The following MINDY1 variants were observed in gnomAD, a reference collection of about 807,000 sequenced individuals.
MINDY1 encodes the protein MINDY lysine 48 deubiquitinase 1, also known as ubiquitin carboxyl-terminal hydrolase MINDY-1.
Under a neutral mutation model 53.6 loss-of-function variants are expected in MINDY1, and 50 were observed. That is an observed-to-expected ratio of 0.93 (90% confidence interval 0.74 to 1.18). The LOEUF (loss-of-function observed/expected upper bound fraction) is 1.18. Among genes scored for constraint, MINDY1 ranks in the 50% most tolerant of loss-of-function variants. MINDY1 has a pLI of 0.00. For missense variants in MINDY1, 484 were observed against 578.6 expected, an observed-to-expected ratio of 0.84 and a Z score of 1.68; for synonymous variants, 231 against 234.7, an observed-to-expected ratio of 0.98 and a Z score of 0.14.
chr1:150,998,337 A>G, intron 7 of MINDY1, 64 bp from the exon 8 acceptor site: 1 of 1,463,900 alleles, frequency 6.8e-7, no homozygotes, highest in South Asian at 1.3e-5. Context: ...CACTGCCAGA[A>G]ATCTCGGTAT....
chr1:150,997,139 G>T lies in MINDY1; in HGVS notation c.*148C>A. Reference sequence around the variant, plus strand: ...CACGTGAGGTCAAGGACATTACCAAGTCTGACCTTGGCATTTGTTGCCTGC... The same window carrying T: ...CACGTGAGGTCAAGGACATTACCAATTCTGACCTTGGCATTTGTTGCCTGC... On this transcript the variant is annotated 3_prime_UTR_variant, in exon 10 of 10. Coordinates refer to ENST00000683666, the MANE Select transcript of MINDY1 (RefSeq NM_001376665.1). 1 of 789,910 alleles carries T rather than the reference G, an allele frequency of 1.3e-6. No individual in the cohort carries two copies. Among genetic ancestry groups the T allele is most frequent in the Non-Finnish European group, 2.1e-6 (1 of 482,512 alleles). The allele number at this position is 789,910 out of a possible 1,614,324, so 48.9% of individuals were successfully genotyped here.
chr1:150,997,891 C>G, intron 8 of MINDY1, 112 bp from the exon 9 acceptor site: 1 of 1,236,656 alleles, frequency 8.1e-7, no homozygotes, highest in South Asian at 1.5e-5. Context: ...TCTTTCTCCC[C>G]ACAGAGCAGC....
intron 4 of MINDY1, among the ~76,000 whole-genome samples, chr1:151,000,981 G>A (rs1672503608): frequency 6.6e-6 from 1 of 151,954 alleles, no homozygotes; most frequent in Non-Finnish European, 1.5e-5. Flanking sequence ...TTAGAGACAG[G>A]GGTATTATTA....
chr1:151,001,646 C>T, intron 3 of MINDY1, 79 bp downstream of exon 3: 1 of 1,543,402 alleles, frequency 6.5e-7, no homozygotes, highest in Non-Finnish European at 8.9e-7. Context: ...ATGGAGATCC[C>T]TGAATAGTCT....
upstream of MINDY1, chr1:151,008,371 G>A (rs1673451467): frequency 2.4e-6 from 3 of 1,260,960 alleles, no homozygotes; most frequent in Admixed American, 3.1e-5. Context: ...TGGCCTCGCC[G>A]GAAAGACGTC....
chr1:151,002,847 C>T lies in MINDY1; in HGVS notation c.-89-141G>A. 1 of 1,433,474 alleles carries T rather than the reference C, an allele frequency of 7.0e-7. No homozygotes were observed. The allele number at this position is 1,433,474 out of a possible 1,614,324, so 88.8% of individuals were successfully genotyped here. On this transcript the variant is annotated intron_variant, in intron 1 of 9. Transcript: ENST00000683666. The surrounding 1 kb of genome is among the most constrained non-coding windows in gnomAD (Gnocchi z 4.1). Reference sequence around the variant, plus strand: ...GGCAGTATATGTGTAAACAGAAGGGCCCCGTGCTGAGCTCTTTCCACCTCT... The same window carrying T: ...GGCAGTATATGTGTAAACAGAAGGGTCCCGTGCTGAGCTCTTTCCACCTCT...
chr1:151,000,059 C>A, intron 5 of MINDY1, 95 bp from the exon 6 acceptor site: 1 of 892,708 alleles, frequency 1.1e-6, no homozygotes, highest in Non-Finnish European at 1.7e-6. Flanking sequence ...GGACTACAAC[C>A]CTGTGATGAA....
rs1672076249 is a variant in MINDY1 at position 150,998,211 on chromosome 1, C to T, written c.1044G>A (p.Glu348=). 6.2e-7 allele frequency: 1 copy of T among 1,614,072 alleles called. No homozygotes were observed. Among genetic ancestry groups the T allele is most frequent in the African/African-American group, 1.3e-5 (1 of 74,924 alleles). ...TGTCTCCATCCACATTGTGCAGGCT[C>T]TCCCATACGACTTGCTCCTCCTGTA... is the stretch of plus-strand genomic sequence containing the variant. ...GFLQEEQVVW[E]SLHNVDGDSC... The change falls in exon 8 of 10, where the codon GAG becomes GAA. Residue 348 remains glutamate, a synonymous_variant. Coordinates refer to ENST00000683666, the MANE Select transcript of MINDY1 (RefSeq NM_001376665.1).
intron 9 of MINDY1, 85 bp downstream of exon 9, chr1:150,997,539 G>T: frequency 1.9e-6 from 3 of 1,596,904 alleles, no homozygotes; most frequent in South Asian, 2.2e-5. Context: ...ACCTTGAAGA[G>T]ACCAGTGCAG....
In MINDY1 at chr1:150,999,318, G is replaced by C. The variant is rs587761368; in HGVS notation, c.981+51C>G. On this transcript the variant is annotated intron_variant, in intron 7 of 9. Transcript: ENST00000683666. This position sits in a 1 kb window ranked among gnomAD's most constrained non-coding sequence, Gnocchi z 4.4. ...ATCCCAGCTGGACCCACGAGAAAAA[G>C]GCACCAGGAAATGACAGCACCGCAG... 1.0e-5 allele frequency: 16 copies of C among 1,607,030 alleles called. No homozygotes were observed. The African/African-American group carries it at 1.7e-4, about 17-fold the overall frequency.
At chr1:151,003,907 C>T (rs1170589178) in intron 1 of MINDY1, among the ~76,000 whole-genome samples, 1 of 152,056 alleles carries the variant, frequency 6.6e-6, no homozygotes, top group Non-Finnish European at 1.5e-5. Flanking sequence ...TATTCCCATC[C>T]AAGTGGTTTT....
Position 150,999,627 on chromosome 1 carries a change from G to T in MINDY1, c.839-116C>A. The T allele has an allele frequency of 7.3e-7, 1 of 1,366,900 alleles. No homozygotes were observed. The highest frequency in any genetic ancestry group is 1.0e-6 in the Non-Finnish European group (1 of 999,570). 84.7% of individuals were successfully genotyped at this position (1,366,900 alleles called of 1,614,324 possible). The stretch of plus-strand genomic sequence containing the variant: ...CGGGGGGTCAGTCCCACCTTCTGAC[G>T]TCCCTTTCTTGAAACCTGGCTGTAT... On this transcript the variant is annotated intron_variant, in intron 6 of 9. Coordinates refer to ENST00000683666, the MANE Select transcript of MINDY1 (RefSeq NM_001376665.1). This position sits in a 1 kb window ranked among gnomAD's most constrained non-coding sequence, Gnocchi z 4.4.
Position 151,006,611 on chromosome 1 carries a change from G to A in MINDY1, c.-389C>T, listed in dbSNP as rs1673247310. 1 of 989,220 alleles carries A rather than the reference G, an allele frequency of 1.0e-6. No homozygotes were observed. Among genetic ancestry groups the A allele is most frequent in the Non-Finnish European group, 1.2e-6 (1 of 832,554 alleles). 61.3% of individuals were successfully genotyped at this position (989,220 alleles called of 1,614,324 possible). On this transcript the variant is annotated 5_prime_UTR_variant, in exon 1 of 10. Coordinates refer to ENST00000683666, the MANE Select transcript of MINDY1 (RefSeq NM_001376665.1). ...GGATTCCTGAGTCGCCGAGTCTATGGCATGCGCTCCGGGCCCTGACTACAA... is the reference window on the plus strand; with the variant it reads ...GGATTCCTGAGTCGCCGAGTCTATGACATGCGCTCCGGGCCCTGACTACAA...
chr1:150,998,715 G>C (rs1054695389), intron 7 of MINDY1, among the ~76,000 whole-genome samples: 2 of 152,196 alleles, frequency 1.3e-5, no homozygotes, highest in African/African-American at 4.8e-5. Context: ...AGGGATGTCT[G>C]AGTGTATGTC....
In MINDY1 at chr1:150,999,719, G is replaced by A. The variant is rs1467263311; in HGVS notation, c.838+143C>T. ...TGCCAGGCACTGGGGATACCTCAAT[G>A]AACTAAACAGAAATTCCCCAAGCTC... is the stretch of plus-strand genomic sequence containing the variant. On this transcript the variant is annotated intron_variant, in intron 6 of 9. Coordinates refer to ENST00000683666, the MANE Select transcript of MINDY1 (RefSeq NM_001376665.1). This position sits in a 1 kb window ranked among gnomAD's most constrained non-coding sequence, Gnocchi z 4.4. 2 of 954,216 alleles carry A rather than the reference G, an allele frequency of 2.1e-6. No homozygotes were observed. Among genetic ancestry groups the A allele is most frequent in the African/African-American group, 3.3e-5 (2 of 60,450 alleles). 59.1% of individuals were successfully genotyped at this position (954,216 alleles called of 1,614,324 possible).
chr1:151,005,227 G>A (rs1558062056), intron 1 of MINDY1, among the ~76,000 whole-genome samples: 2 of 152,038 alleles, frequency 1.3e-5, no homozygotes, highest in Admixed American at 6.5e-5. Flanking sequence ...CGAGGCGGGC[G>A]GATCACCTGA....
chr1:151,008,277 A>C, upstream of MINDY1: 4 of 1,229,852 alleles, frequency 3.3e-6, no homozygotes, highest in Non-Finnish European at 4.1e-6. Context: ...CTGATCCCTC[A>C]GAAAACAATC....
intron 2 of MINDY1, among the ~76,000 whole-genome samples, 177 bp downstream of exon 2, chr1:151,001,988 C>CT (rs78066468): frequency 0.084 from 12,304 of 146,064 alleles, 626 homozygotes; most frequent in African/African-American, 0.15. Flanking sequence ...AGATCTTCCT[C>CT]TTTTTTTTTT....
In MINDY1 at chr1:151,002,583, C is replaced by T. The variant is rs953860428; in HGVS notation, c.35G>A (p.Gly12Asp). 13 of 1,614,192 alleles carry T rather than the reference C, an allele frequency of 8.1e-6. No homozygotes were observed. Among genetic ancestry groups the T allele is most frequent in the Non-Finnish European group, 1.1e-5 (13 of 1,180,036 alleles). The change falls in exon 2 of 10, where the codon GGT becomes GAT. Residue 12 changes from glycine (G) to aspartate (D), a missense_variant. Gly to Asp is a moderately conservative substitution (Grantham distance 94). Coordinates refer to ENST00000683666, the MANE Select transcript of MINDY1 (RefSeq NM_001376665.1). This position sits in a 1 kb window ranked among gnomAD's most constrained non-coding sequence, Gnocchi z 4.1. ...EYHQPEDPAP[G>D]KAGTAEAVIP... The stretch of plus-strand genomic sequence containing the variant: ...GACTGCTTCTGCAGTCCCGGCCTTA[C>T]CAGGGGCTGGATCCTCAGGCTGATG...
Sources: gnomAD v4.1 joint callset for allele counts (sites outside exome capture counted in the v4.1 genomes callset) on GRCh38, gnomAD v4.1.1 for gene constraint, Gnocchi (gnomAD v3.1) non-coding constraint, MANE v1.5 for transcripts, NCBI Gene and HGNC (gene_info 2026-07-23, HGNC 2026-07-21) for gene names.